Variants in OXR1 observed in about 807,000 individuals in gnomAD.
The protein encoded by OXR1 is oxidation resistance 1, also known as oxidation resistance protein 1.
In OXR1, 41 loss-of-function variants were observed where a neutral mutation model predicts 104.6. That is an observed-to-expected ratio of 0.39 (90% CI 0.31 to 0.51). OXR1 has a LOEUF of 0.51. Among genes scored for constraint, OXR1 ranks in the 20% least tolerant of loss-of-function variants. The pLI is 0.77. For synonymous variants in OXR1, 348 were observed against 348.4 expected (o/e 1.00, Z 0.01); for missense variants, 955 against 1,031.9 (o/e 0.93, Z 1.02).
chr8:106,351,225 C>T (rs1815713568), intron 1 of OXR1, among the ~76,000 whole-genome samples: 1 of 152,106 alleles, frequency 6.6e-6, no homozygotes, highest in African/African-American at 2.4e-5. Flanking sequence ...TCCTAGGCAC[C>T]GTGCTAGGCC....
At chr8:106,737,431 A>G (rs948278218) in intron 11 of OXR1, 89 bp from the exon 12 acceptor site, 33 of 342,248 alleles carry the variant, frequency 9.6e-5, no homozygotes, top group Non-Finnish European at 1.4e-4. Flanking sequence ...TCCCATTTTA[A>G]TTTCTCCTCT....
intron 2 of OXR1, among the ~76,000 whole-genome samples, chr8:106,466,382 G>A (rs763877300): frequency 3.0e-4 from 46 of 151,710 alleles, no homozygotes; most frequent in Non-Finnish European, 5.6e-4. Context: ...AGACAAGAGG[G>A]ACTTCTTTTT....
chr8:106,487,339 C>T (rs118021669), intron 2 of OXR1, among the ~76,000 whole-genome samples: 161 of 129,118 alleles, frequency 1.2e-3, no homozygotes, highest in Middle Eastern at 8.7e-3. Flanking sequence ...CCAGGTATTT[C>T]TTTTTTTTTT....
chr8:106,462,758 G>A (rs1820977020), intron 2 of OXR1, among the ~76,000 whole-genome samples: 1 of 151,726 alleles, frequency 6.6e-6, no homozygotes, highest in Non-Finnish European at 1.5e-5. Context: ...TGTGACCTTG[G>A]GAGATGCATT....
At chr8:106,698,984 A>G (rs560676879) in intron 7 of OXR1, among the ~76,000 whole-genome samples, 13 of 152,170 alleles carry the variant, frequency 8.5e-5, no homozygotes, top group South Asian at 4.1e-4. Context: ...ATATTCTTGC[A>G]CTTTTTATCT....
Position 106,468,979 on chromosome 8 carries a change from T to C in OXR1, c.24-49964T>C, listed in dbSNP as rs927232960. 3.3e-5 allele frequency among the ~76,000 whole-genome samples: 5 copies of C among 150,498 alleles called. No homozygotes were observed. The Admixed American group carries it at 3.3e-4, about 10-fold the overall frequency. ...TTTTGCCTAGAATACTTACTCATCC[T>C]GAAGTGTTGTTGTGGTCATTGTTTG... On this transcript the variant is annotated intron_variant, in intron 2 of 16. Transcript: ENST00000517566.
chr8:106,708,622 A>G (rs983787584), intron 9 of OXR1, among the ~76,000 whole-genome samples: 8 of 152,146 alleles, frequency 5.3e-5, no homozygotes, highest in African/African-American at 1.9e-4. Flanking sequence ...CTATCTTTTT[A>G]AGGCTGAATA....
chr8:106,472,680 A>G (rs2129657106), intron 2 of OXR1, among the ~76,000 whole-genome samples: 1 of 151,938 alleles, frequency 6.6e-6, no homozygotes, highest in Middle Eastern at 3.4e-3. Flanking sequence ...ATTAAATTAC[A>G]TTATTCTGTC....
chr8:106,542,598 G>T (rs1410268431), intron 3 of OXR1, among the ~76,000 whole-genome samples: 1 of 151,978 alleles, frequency 6.6e-6, no homozygotes, highest in Admixed American at 6.6e-5. Context: ...TCCAGTACGG[G>T]TTAGGCACCT....
At chr8:106,274,014 C>T (rs1173303305) in intron 1 of OXR1, among the ~76,000 whole-genome samples, 1 of 152,080 alleles carries the variant, frequency 6.6e-6, no homozygotes, top group African/African-American at 2.4e-5. Context: ...CTTGTAAGTT[C>T]TTTATCAAGT....
At chr8:106,282,227 C>T in intron 1 of OXR1, among the ~76,000 whole-genome samples, 1 of 152,156 alleles carries the variant, frequency 6.6e-6, no homozygotes, top group East Asian at 1.9e-4. Context: ...TTGGCATATT[C>T]ATTAATTATG....
intron 2 of OXR1, among the ~76,000 whole-genome samples, chr8:106,449,001 T>C (rs1177380050): frequency 2.0e-5 from 3 of 152,154 alleles, no homozygotes; most frequent in Non-Finnish European, 2.9e-5. Flanking sequence ...ACACAATTTT[T>C]GAAAGTTGAG....
At chr8:106,560,389 C>T (rs1288221678) in intron 3 of OXR1, among the ~76,000 whole-genome samples, 1 of 152,150 alleles carries the variant, frequency 6.6e-6, no homozygotes, top group African/African-American at 2.4e-5. Flanking sequence ...TTAAGCCCAT[C>T]TTGATAGCAC....
chr8:106,617,129 G>T (rs1232516510), intron 3 of OXR1, among the ~76,000 whole-genome samples: 2 of 152,176 alleles, frequency 1.3e-5, no homozygotes, highest in Non-Finnish European at 2.9e-5. Flanking sequence ...GGATAACAGG[G>T]AATGTGGATT....
intron 1 of OXR1, among the ~76,000 whole-genome samples, chr8:106,311,782 T>G (rs1320793902): frequency 1.3e-5 from 2 of 152,240 alleles, no homozygotes; most frequent in African/African-American, 4.8e-5. Context: ...GTGAATTTGC[T>G]TGTTAATTGG....
chr8:106,715,725 C>T (rs897364346), intron 11 of OXR1, among the ~76,000 whole-genome samples: 1 of 152,068 alleles, frequency 6.6e-6, no homozygotes, highest in African/African-American at 2.4e-5. Flanking sequence ...AGAGCTTTCT[C>T]TCCATTGGGG....
chr8:106,476,127 C>T (rs895086151), intron 2 of OXR1, among the ~76,000 whole-genome samples: 2 of 151,836 alleles, frequency 1.3e-5, no homozygotes, highest in African/African-American at 2.4e-5. Flanking sequence ...ACTGACAACT[C>T]TTTCCATAGA....
intron 3 of OXR1, among the ~76,000 whole-genome samples, chr8:106,677,656 A>G (rs1274585240): frequency 2.0e-5 from 3 of 152,052 alleles, no homozygotes; most frequent in Non-Finnish European, 4.4e-5. Flanking sequence ...TTGTCTGATT[A>G]TATCTTTTGT....
chr8:106,397,244 T>C (rs1403358541), intron 2 of OXR1, among the ~76,000 whole-genome samples: 1 of 152,100 alleles, frequency 6.6e-6, no homozygotes, highest in African/African-American at 2.4e-5. Context: ...ATGATATGTA[T>C]ATAAATTTTA....
Sources: gnomAD v4.1 joint callset for allele counts (sites outside exome capture counted in the v4.1 genomes callset) on GRCh38, gnomAD v4.1.1 for gene constraint, MANE v1.5 for transcripts, NCBI Gene and HGNC (gene_info 2026-07-23, HGNC 2026-07-21) for gene names.